Variants in TRHDE observed in about 807,000 individuals in gnomAD.
TRHDE encodes thyrotropin releasing hormone degrading enzyme.
Under a neutral mutation model 125.7 loss-of-function variants are expected in TRHDE, and 72 were observed. The observed-to-expected ratio is 0.57, with a 90% CI of 0.47 to 0.70. The LOEUF is 0.70. Ranked by LOEUF, TRHDE falls within the 30% of genes least tolerant of loss-of-function variation. The probability of loss-of-function intolerance (pLI) is 0.00; values close to 1 mark genes in which losing one functional copy is unlikely to be tolerated. For synonymous variants in TRHDE, 509 were observed against 509.1 expected (o/e 1.00, Z 0.00); for missense variants, 1,110 against 1,327.1 (o/e 0.84, Z 2.54).
intron 1 of TRHDE, among the ~76,000 whole-genome samples, chr12:72,095,406 A>G (rs1005508117): frequency 6.6e-6 from 1 of 152,188 alleles, no homozygotes; most frequent in African/African-American, 2.4e-5. Context: ...GTCCTAGATG[A>G]GAAAGGAGAT....
intron 5 of TRHDE, among the ~76,000 whole-genome samples, chr12:72,476,812 C>G (rs1408255576): frequency 6.6e-6 from 1 of 152,070 alleles, no homozygotes; most frequent in Non-Finnish European, 1.5e-5. Context: ...CTGACTTAGG[C>G]CAGTATACTT....
Position 72,377,983 on chromosome 12 carries a change from A to AT in TRHDE, c.1189-7dup. 1 of 1,552,080 alleles carries AT rather than the reference A, an allele frequency of 6.4e-7. No homozygotes were observed. The highest frequency in any genetic ancestry group is 1.2e-5 in the South Asian group (1 of 81,224). ...AAAGGCTAAAGTAACTTTTATATATATTTTTAATTAGGTACGATTATATGC... is the reference window on the plus strand; with the variant it reads ...AAAGGCTAAAGTAACTTTTATATATATTTTTTAATTAGGTACGATTATATGC... On this transcript the variant is annotated splice_polypyrimidine_tract_variant and intron_variant, in intron 2 of 18. Coordinates refer to ENST00000261180, the MANE Select transcript of TRHDE (RefSeq NM_013381.3).
chr12:72,492,154 T>C (rs1368177479), intron 5 of TRHDE, among the ~76,000 whole-genome samples: 1 of 151,980 alleles, frequency 6.6e-6, no homozygotes, highest in Admixed American at 6.6e-5. Context: ...AAGTATATTT[T>C]ACACATGAGA....
At chr12:72,396,768 A>T (rs934348388) in intron 3 of TRHDE, among the ~76,000 whole-genome samples, 4 of 151,970 alleles carry the variant, frequency 2.6e-5, no homozygotes, top group Non-Finnish European at 5.9e-5. Context: ...ACAAACAAAA[A>T]ACAAAAAAAC....
intron 2 of TRHDE, among the ~76,000 whole-genome samples, chr12:72,213,611 T>C (rs1877828913): frequency 6.6e-6 from 1 of 152,158 alleles, no homozygotes; most frequent in African/African-American, 2.4e-5. Context: ...TGCCATTGGT[T>C]ATATTACACC....
chr12:72,393,623 C>T (rs1162338479), intron 3 of TRHDE, among the ~76,000 whole-genome samples: 1 of 152,078 alleles, frequency 6.6e-6, no homozygotes, highest in African/African-American at 2.4e-5. Context: ...ATATCAGTCA[C>T]TGAAGATATG....
chr12:72,592,498 C>T (rs1871726547), intron 12 of TRHDE, among the ~76,000 whole-genome samples: 1 of 151,872 alleles, frequency 6.6e-6, no homozygotes, highest in African/African-American at 2.4e-5. Flanking sequence ...TTTGATTCCT[C>T]ATAAGTTAGT....
At chr12:72,516,734 G>A (rs1432334315) in intron 6 of TRHDE, among the ~76,000 whole-genome samples, 3 of 150,982 alleles carry the variant, frequency 2.0e-5, no homozygotes, top group Non-Finnish European at 3.0e-5. Context: ...GTTTTCAAAG[G>A]GAATGCTTCC....
chr12:72,165,582 T>G (rs1239437067), intron 2 of TRHDE, among the ~76,000 whole-genome samples: 2 of 152,090 alleles, frequency 1.3e-5, no homozygotes, highest in Non-Finnish European at 2.9e-5. Context: ...AATTCCTGAG[T>G]ATAGAATTTA....
intron 18 of TRHDE, among the ~76,000 whole-genome samples, chr12:72,662,071 C>A (rs1874941120): frequency 6.6e-6 from 1 of 152,132 alleles, no homozygotes; most frequent in Non-Finnish European, 1.5e-5. Flanking sequence ...TAACTCCATC[C>A]TTGACTACCA....
rs1310931800 is a variant in TRHDE at position 72,665,664 on chromosome 12, T to G, written c.*2469T>G. On this transcript the variant is annotated 3_prime_UTR_variant, in exon 19 of 19. Coordinates refer to ENST00000261180, the MANE Select transcript of TRHDE (RefSeq NM_013381.3). ...CTTAGAGTTTTTATCTTTTCTTTTT[T>G]GTCGGCTTTACAAATTATATGTATG... The G allele has an allele frequency of 6.6e-6, 1 of 152,086 alleles. No homozygotes were observed. The highest frequency in any genetic ancestry group is 2.4e-5 in the African/African-American group (1 of 41,462). The allele number at this position is 152,086 out of a possible 1,614,324, so 9.4% of individuals were successfully genotyped here. A position where few individuals can be genotyped will look rare whatever the true frequency, so the allele number is the denominator to read the frequency against.
At position 72,325,556 on chromosome 12, in the gene TRHDE, T is replaced by C. The variant is rs78343380; in HGVS notation, c.1188+38602T>C. 1.0e-2 allele frequency among the ~76,000 whole-genome samples: 1,516 copies of C among 152,100 alleles called. 25 individuals are homozygous for C. Among genetic ancestry groups the C allele is most frequent in the African/African-American group, 0.033 (1,388 of 41,538 alleles). Reference sequence around the variant, plus strand: ...ACCAACAAAATAAGGGATTATTTCATAGAGAAAAAAAAGGTAGTATTTTCC... The same window carrying C: ...ACCAACAAAATAAGGGATTATTTCACAGAGAAAAAAAAGGTAGTATTTTCC... On this transcript the variant is annotated intron_variant, in intron 2 of 18. Coordinates refer to ENST00000261180, the MANE Select transcript of TRHDE (RefSeq NM_013381.3).
intron 2 of TRHDE, among the ~76,000 whole-genome samples, chr12:72,266,033 C>T (rs1264099853): frequency 6.6e-6 from 1 of 151,952 alleles, no homozygotes; most frequent in Non-Finnish European, 1.5e-5. Context: ...GTAATTACCT[C>T]ATTTAAACAG....
intron 2 of TRHDE, among the ~76,000 whole-genome samples, chr12:72,289,364 C>G (rs1303403302): frequency 6.6e-6 from 1 of 152,010 alleles, no homozygotes; most frequent in African/African-American, 2.4e-5. Context: ...AGGCACTATT[C>G]TAAGTAATTA....
intron 2 of TRHDE, among the ~76,000 whole-genome samples, chr12:72,258,769 T>A (rs1026872668): frequency 1.1e-4 from 16 of 152,256 alleles, no homozygotes; most frequent in Admixed American, 5.2e-4. Context: ...CAATCTCTAC[T>A]TGACTTTCAT....
intron 3 of TRHDE, among the ~76,000 whole-genome samples, chr12:72,468,896 T>C (rs895557297): frequency 1.3e-5 from 2 of 152,184 alleles, no homozygotes; most frequent in East Asian, 1.9e-4. Flanking sequence ...TAGTTTTCCC[T>C]TTTAATATTT....
In TRHDE at chr12:72,273,391, G is replaced by A; in HGVS notation, c.748G>A (p.Val250Ile). Residue 250 changes from valine to isoleucine, a missense_variant, in exon 1 of 19, where the codon GTA (valine) becomes ATA (isoleucine). Around this residue, in one of 5 missense-constraint regions of TRHDE, gnomAD observed 72 missense variants for 122.2 expected, o/e 0.59. Coordinates refer to ENST00000261180, the MANE Select transcript of TRHDE (RefSeq NM_013381.3). The surrounding 1 kb of genome is among the most constrained non-coding windows in gnomAD (Gnocchi z 5.3). The part of the protein sequence containing the change: ...AEDRAFGAVP[V>I]AGFFLYPQTQ... ...GGACCGGGCGTTCGGGGCTGTCCCT[G>A]TAGCCGGTTTTTTCCTCTACCCGCA... 4 of 1,614,188 alleles carry A rather than the reference G, an allele frequency of 2.5e-6. No homozygotes were observed. Among genetic ancestry groups the A allele is most frequent in the Non-Finnish European group, 3.4e-6 (4 of 1,180,034 alleles).
chr12:72,643,688 C>T (rs1306345923), intron 15 of TRHDE, among the ~76,000 whole-genome samples: 1 of 152,140 alleles, frequency 6.6e-6, no homozygotes, highest in Non-Finnish European at 1.5e-5. Flanking sequence ...ATATGACCAG[C>T]TTGCCATACA....
chr12:72,217,135 T>C (rs940062900), intron 2 of TRHDE, among the ~76,000 whole-genome samples: 13 of 152,020 alleles, frequency 8.6e-5, no homozygotes, highest in African/African-American at 3.1e-4. Flanking sequence ...TGGCAAGAAA[T>C]CTTAAAAAAA....
Sources: allele counts gnomAD v4.1 joint callset (sites outside exome capture counted in the v4.1 genomes callset), GRCh38; gene constraint gnomAD v4.1.1; regional missense constraint gnomAD v4.1.1; non-coding constraint Gnocchi (gnomAD v3.1); transcripts MANE v1.5; gene names NCBI Gene and HGNC (gene_info 2026-07-23, HGNC 2026-07-21).